The following ROBO2 variants were observed in gnomAD, a reference collection of about 807,000 sequenced individuals.
ROBO2 encodes roundabout guidance receptor 2.
ROBO2 carries 53 observed loss-of-function variants against 160.8 expected under a neutral mutation model. The ratio of observed to expected loss-of-function variants is 0.33; its 90% CI spans 0.26 to 0.41. The LOEUF is 0.41. Among genes scored for constraint, ROBO2 ranks in the 10% least tolerant of loss-of-function variants. The probability of loss-of-function intolerance (pLI) is 1.00; values close to 1 mark genes in which losing one functional copy is unlikely to be tolerated. For missense variants in ROBO2, 1,577 were observed against 1,722.4 expected (o/e 0.92, Z 1.49); for synonymous variants, 664 against 611.7 (o/e 1.09, Z -1.26).
chr3:76,263,675 G>A (rs964325674), intron 2 of ROBO2, among the ~76,000 whole-genome samples: 1 of 152,014 alleles, frequency 6.6e-6, no homozygotes, highest in Non-Finnish European at 1.5e-5. Flanking sequence ...TGACAAAATG[G>A]GACAATTCAT....
intron 2 of ROBO2, among the ~76,000 whole-genome samples, chr3:76,217,027 C>T (rs1235583158): frequency 6.6e-6 from 1 of 152,184 alleles, no homozygotes; most frequent in Non-Finnish European, 1.5e-5. Flanking sequence ...CGCTCAACTA[C>T]ATGGAAACTG....
At position 76,054,956 on chromosome 3, in the gene ROBO2, T is replaced by C. The variant is rs79179887; in HGVS notation, c.109+117354T>C. 6.9e-3 allele frequency among the ~76,000 whole-genome samples: 1,058 copies of C among 152,282 alleles called. 64 individuals carry two copies. In the East Asian group the frequency reaches 0.15, roughly 22 times the overall value. The stretch of plus-strand genomic sequence containing the variant: ...ATTGATTATCAATTTGAAAGGGCAG[T>C]GTATTAGTCTGTTCTCATGCTGCTA... On this transcript the variant is annotated intron_variant, in intron 2 of 26. Transcript: ENST00000487694.
At chr3:76,153,394 A>G (rs2072281745) in intron 2 of ROBO2, among the ~76,000 whole-genome samples, 1 of 152,148 alleles carries the variant, frequency 6.6e-6, no homozygotes, top group Non-Finnish European at 1.5e-5. Context: ...AAGGATAATC[A>G]AGTGAATGGA....
At chr3:77,028,952 G>A (rs1394435027) in intron 2 of ROBO2, among the ~76,000 whole-genome samples, 1 of 152,062 alleles carries the variant, frequency 6.6e-6, no homozygotes, top group East Asian at 1.9e-4. Flanking sequence ...ACAACACAAG[G>A]CACTGAGTAT....
At chr3:76,093,800 T>C (rs1473853028) in intron 2 of ROBO2, among the ~76,000 whole-genome samples, 5 of 152,214 alleles carry the variant, frequency 3.3e-5, no homozygotes, top group African/African-American at 9.6e-5. Flanking sequence ...TCAATGATAG[T>C]GATAGTTTAC....
chr3:75,950,113 A>G (rs192524142), intron 2 of ROBO2, among the ~76,000 whole-genome samples: 2 of 152,144 alleles, frequency 1.3e-5, no homozygotes, highest in Admixed American at 1.3e-4. Flanking sequence ...TGTGTCTCCA[A>G]CTTGTGTTAT....
At chr3:77,451,720 T>C (rs1216021552) in intron 2 of ROBO2, among the ~76,000 whole-genome samples, 3 of 152,040 alleles carry the variant, frequency 2.0e-5, no homozygotes, top group African/African-American at 7.2e-5. Flanking sequence ...CTCTTTCTTT[T>C]TTTTGTGTGT....
intron 2 of ROBO2, among the ~76,000 whole-genome samples, chr3:75,962,144 A>G (rs867442724): frequency 6.6e-6 from 1 of 151,680 alleles, no homozygotes; most frequent in African/African-American, 2.4e-5. Context: ...TCTGGATTAA[A>G]CAAAATGTGA....
chr3:77,095,646 A>C (rs1352256793), intron 1 of ROBO2, among the ~76,000 whole-genome samples: 1 of 152,164 alleles, frequency 6.6e-6, no homozygotes, highest in East Asian at 1.9e-4. Context: ...AAGTGACATA[A>C]AACTCTTGAT....
chr3:77,157,803 C>T (rs575631787), intron 2 of ROBO2, among the ~76,000 whole-genome samples: 181 of 151,948 alleles, frequency 1.2e-3, no homozygotes, highest in Non-Finnish European at 2.3e-3. Context: ...ATATTTTATT[C>T]TGGAGGGCAA....
intron 2 of ROBO2, among the ~76,000 whole-genome samples, chr3:76,627,766 C>T (rs1338087496): frequency 6.6e-6 from 1 of 152,120 alleles, no homozygotes; most frequent in Admixed American, 6.6e-5. Context: ...AAGTGCATCT[C>T]GGGAAAGCTC....
chr3:76,344,976 A>T (rs943056455), intron 2 of ROBO2, among the ~76,000 whole-genome samples: 1 of 152,212 alleles, frequency 6.6e-6, no homozygotes, highest in Admixed American at 6.5e-5. Context: ...CTTGAGAAGT[A>T]CTATTCAGTT....
intron 2 of ROBO2, among the ~76,000 whole-genome samples, chr3:77,195,156 C>A (rs17820386): frequency 0.17 from 25,116 of 152,038 alleles, 2,432 homozygotes; most frequent in Middle Eastern, 0.27. Context: ...GGACGCTATA[C>A]AGAGTATAAA....
intron 17 of ROBO2, among the ~76,000 whole-genome samples, chr3:77,591,578 T>C (rs2094181657): frequency 6.6e-6 from 1 of 152,214 alleles, no homozygotes. Context: ...TTTTAAATTG[T>C]GGTGTCTGCA....
At chr3:76,680,896 C>T (rs2092543703) in intron 2 of ROBO2, among the ~76,000 whole-genome samples, 1 of 152,046 alleles carries the variant, frequency 6.6e-6, no homozygotes, top group Non-Finnish European at 1.5e-5. Flanking sequence ...TGTGCCTCAG[C>T]CTCCCGAGTA....
At chr3:77,092,134 A>G (rs1055152876) in intron 1 of ROBO2, 2 of 152,140 alleles carry the variant, frequency 1.3e-5, no homozygotes, top group African/African-American at 4.8e-5. Context: ...CCAGGATGAC[A>G]GGCAAATTCA....
intron 2 of ROBO2, among the ~76,000 whole-genome samples, chr3:77,256,100 G>C (rs893717329): frequency 6.6e-6 from 1 of 152,184 alleles, no homozygotes; most frequent in African/African-American, 2.4e-5. Flanking sequence ...ATTGTCAACA[G>C]TTCAACAGAA....
At chr3:77,006,800 T>C (rs2061602902) in intron 2 of ROBO2, among the ~76,000 whole-genome samples, 1 of 151,796 alleles carries the variant, frequency 6.6e-6, no homozygotes, top group Non-Finnish European at 1.5e-5. Flanking sequence ...AAGGCATAAG[T>C]GATAAAAAAT....
chr3:76,688,793 A>G (rs942687572), intron 2 of ROBO2, among the ~76,000 whole-genome samples: 5 of 152,004 alleles, frequency 3.3e-5, no homozygotes, highest in African/African-American at 1.2e-4. Flanking sequence ...CCCAATTTGT[A>G]ATTGTAACTC....
Sources: allele counts gnomAD v4.1 joint callset (sites outside exome capture counted in the v4.1 genomes callset), GRCh38; gene constraint gnomAD v4.1.1; transcripts MANE v1.5; gene names NCBI Gene and HGNC (gene_info 2026-07-23, HGNC 2026-07-21).